NCOA1: variants seen among roughly 807,000 people sequenced by gnomAD.
The protein encoded by NCOA1 is nuclear receptor coactivator 1.
In NCOA1, 35 loss-of-function variants were observed where a neutral mutation model predicts 150.9. The ratio of observed to expected loss-of-function variants is 0.23; its 90% CI spans 0.18 to 0.31. NCOA1 has a LOEUF of 0.31. Ranked by LOEUF, NCOA1 falls within the 10% of genes least tolerant of loss-of-function variation. The pLI, the probability that NCOA1 is intolerant of heterozygous loss-of-function variation, is 1.00. For synonymous variants in NCOA1, 590 were observed against 630.0 expected, an observed-to-expected ratio of 0.94 and a Z score of 0.95; for missense variants, 1,491 against 1,749.3, an observed-to-expected ratio of 0.85 and a Z score of 2.63.
intron 1 of NCOA1, among the ~76,000 whole-genome samples, chr2:24,537,895 T>C (rs141196241): frequency 1.9e-3 from 283 of 152,318 alleles, no homozygotes; most frequent in Non-Finnish European, 2.8e-3. Flanking sequence ...GTGGAAATTC[T>C]GTTTTGATTG....
intron 11 of NCOA1, among the ~76,000 whole-genome samples, chr2:24,700,270 C>T (rs781387288): frequency 2.6e-5 from 4 of 151,894 alleles, no homozygotes; most frequent in Non-Finnish European, 5.9e-5. Flanking sequence ...TGCCTTTTCA[C>T]TTAGGGACAG....
intron 14 of NCOA1, among the ~76,000 whole-genome samples, chr2:24,723,687 TATTC>T (rs1382684408): frequency 1.3e-5 from 2 of 152,224 alleles, no homozygotes; most frequent in South Asian, 2.1e-4. Context: ...GATTTTATAA[TATTC>T]ATTTATGTTC....
chr2:24,506,208 T>C (rs1012770436), intron 1 of NCOA1, among the ~76,000 whole-genome samples: 2 of 152,048 alleles, frequency 1.3e-5, no homozygotes, highest in Non-Finnish European at 2.9e-5. Flanking sequence ...TTAGAATCTA[T>C]GTAGTAAATT....
chr2:24,699,574 A>G (rs1050312425), intron 11 of NCOA1, among the ~76,000 whole-genome samples: 2 of 152,162 alleles, frequency 1.3e-5, no homozygotes, highest in Non-Finnish European at 1.5e-5. Flanking sequence ...GGGAAAAAAA[A>G]TCCTCAATAG....
At chr2:24,527,144 A>G (rs930502952) in intron 1 of NCOA1, among the ~76,000 whole-genome samples, 4 of 152,114 alleles carry the variant, frequency 2.6e-5, no homozygotes, top group African/African-American at 7.2e-5. Context: ...CCATCATCTC[A>G]CTGTTAACCA....
At position 24,508,532 on chromosome 2, in the gene NCOA1, ACTGT is replaced by A. The variant is rs1157128006; in HGVS notation, c.-396+16933_-396+16936del. ...CCAAGCAGATGTACATGGGGCTGAT[ACTGT>A]CTTTTTTGGGGGGAGAATTCAAAAA... On this transcript the variant is annotated intron_variant, in intron 1 of 22. Coordinates refer to ENST00000348332, the MANE Select transcript of NCOA1 (RefSeq NM_003743.5). Among the ~76,000 whole-genome samples, 7 of 152,214 alleles carry A rather than the reference ACTGT, an allele frequency of 4.6e-5. No homozygotes were observed. The East Asian group carries it at 1.2e-3, about 25-fold the overall frequency.
chr2:24,625,680 G>A (rs1013515765), intron 3 of NCOA1, among the ~76,000 whole-genome samples: 1 of 151,320 alleles, frequency 6.6e-6, no homozygotes, highest in African/African-American at 2.4e-5. Flanking sequence ...GTGCTCTCCA[G>A]ATGTTTGTAT....
intron 3 of NCOA1, among the ~76,000 whole-genome samples, chr2:24,601,676 A>T (rs984292052): frequency 6.8e-6 from 1 of 146,692 alleles, no homozygotes; most frequent in Admixed American, 7.0e-5. Context: ...TCTGTCGCCC[A>T]GGCTAGAGTA....
intron 3 of NCOA1, among the ~76,000 whole-genome samples, chr2:24,607,029 C>T (rs768050922): frequency 2.6e-5 from 4 of 152,046 alleles, no homozygotes; most frequent in Non-Finnish European, 5.9e-5. Context: ...CAGCAACTAC[C>T]ATAAACTCAG....
intron 21 of NCOA1, 105 bp downstream of exon 21, chr2:24,758,261 A>G: frequency 1.5e-5 from 17 of 1,105,584 alleles, no homozygotes; most frequent in Non-Finnish European, 2.0e-5. Flanking sequence ...ACACTTCTTT[A>G]TTCTTTCCCA....
At chr2:24,548,779 C>T (rs574658520) in intron 1 of NCOA1, among the ~76,000 whole-genome samples, 11 of 152,364 alleles carry the variant, frequency 7.2e-5, no homozygotes, top group Admixed American at 6.5e-4. Flanking sequence ...CCATGTCTCA[C>T]ATCCAGGACA....
chr2:24,688,680 T>G (rs1672524645), intron 8 of NCOA1, among the ~76,000 whole-genome samples: 1 of 152,226 alleles, frequency 6.6e-6, no homozygotes, highest in African/African-American at 2.4e-5. Flanking sequence ...TTGCAAATAT[T>G]TTCTCCGATT....
At chr2:24,621,432 A>ATTTTTTTTTTTTTTTTTTTTTTTTTTTT (rs1162282258) in intron 3 of NCOA1, among the ~76,000 whole-genome samples, 1 of 38,860 alleles carries the variant, frequency 2.6e-5, no homozygotes, top group Non-Finnish European at 4.3e-5. Flanking sequence ...ATTCAGGCAG[A>ATTTTTTTTTTTTTTTTTTTTTTTTTTTT]TTTTTTTTTT....
At chr2:24,536,132 G>A (rs1298528649) in intron 1 of NCOA1, among the ~76,000 whole-genome samples, 1 of 152,012 alleles carries the variant, frequency 6.6e-6, no homozygotes, top group Non-Finnish European at 1.5e-5. Context: ...CATATTTCTT[G>A]GAGGCTCTGT....
chr2:24,536,262 T>C (rs1665137818), intron 1 of NCOA1, among the ~76,000 whole-genome samples: 1 of 152,208 alleles, frequency 6.6e-6, no homozygotes, highest in Non-Finnish European at 1.5e-5. Flanking sequence ...AGCTTCTGCA[T>C]GCGTCACAAA....
intron 3 of NCOA1, among the ~76,000 whole-genome samples, chr2:24,594,405 T>G (rs1321268486): frequency 6.6e-6 from 1 of 152,048 alleles, no homozygotes; most frequent in Non-Finnish European, 1.5e-5. Context: ...TGGGGCAGAG[T>G]CATTATTTTT....
intron 7 of NCOA1, among the ~76,000 whole-genome samples, chr2:24,674,498 G>T (rs186431583): frequency 6.6e-6 from 1 of 152,058 alleles, no homozygotes; most frequent in Non-Finnish European, 1.5e-5. Flanking sequence ...GAGCCACTGC[G>T]CCCGGCCTAT....
chr2:24,505,191 C>CTT (rs774883744), intron 1 of NCOA1, among the ~76,000 whole-genome samples: 1 of 144,774 alleles, frequency 6.9e-6, no homozygotes, highest in African/African-American at 2.5e-5. Flanking sequence ...TTTCTTTTTT[C>CTT]TTTTTTTTTT....
At chr2:24,540,305 A>G (rs554641633) in intron 1 of NCOA1, among the ~76,000 whole-genome samples, 57 of 152,352 alleles carry the variant, frequency 3.7e-4, no homozygotes, top group Non-Finnish European at 8.2e-4. Flanking sequence ...ATCCTTAACA[A>G]AAACAAGTGG....
Sources: allele counts gnomAD v4.1 joint callset (sites outside exome capture counted in the v4.1 genomes callset), GRCh38; gene constraint gnomAD v4.1.1; transcripts MANE v1.5; gene names NCBI Gene and HGNC (gene_info 2026-07-23, HGNC 2026-07-21).